The following ITFG1 variants were observed in gnomAD, a reference collection of about 807,000 sequenced individuals.
ITFG1 encodes integrin alpha FG-GAP repeat containing 1, also known as T-cell immunomodulatory protein.
In ITFG1, 34 loss-of-function variants were observed where a neutral mutation model predicts 81.8. That is an observed-to-expected ratio of 0.42 (90% confidence interval 0.32 to 0.55). The LOEUF (loss-of-function observed/expected upper bound fraction) is 0.55. Among genes scored for constraint, ITFG1 ranks in the 20% least tolerant of loss-of-function variants. ITFG1 has a pLI of 0.17. For synonymous variants in ITFG1, 285 were observed against 270.6 expected (o/e 1.05, Z -0.52); for missense variants, 672 against 755.4 (o/e 0.89, Z 1.29).
intron 8 of ITFG1, among the ~76,000 whole-genome samples, chr16:47,347,418 G>A (rs1025904565): frequency 1.3e-5 from 2 of 152,264 alleles, no homozygotes; most frequent in Non-Finnish European, 2.9e-5. Context: ...GGCTGGGAGG[G>A]TCTCACGCGC....
chr16:47,202,187 T>C (rs750965358), intron 14 of ITFG1: 22 of 152,228 alleles, frequency 1.4e-4, no homozygotes, highest in Non-Finnish European at 2.5e-4. Context: ...ATAAATACTT[T>C]ATAATTTCTT....
At chr16:47,180,549 T>G (rs530939759) in intron 14 of ITFG1, among the ~76,000 whole-genome samples, 7 of 152,078 alleles carry the variant, frequency 4.6e-5, no homozygotes, top group East Asian at 1.9e-4. Flanking sequence ...CGCCTGACTG[T>G]TTTTCGTATT....
At chr16:47,397,205 T>C (rs1968604697) in intron 6 of ITFG1, among the ~76,000 whole-genome samples, 1 of 152,102 alleles carries the variant, frequency 6.6e-6, no homozygotes, top group East Asian at 1.9e-4. Context: ...CGGGGGATGC[T>C]TCCACAACTG....
chr16:47,304,202 C>T (rs1344325677), intron 10 of ITFG1, among the ~76,000 whole-genome samples: 1 of 152,142 alleles, frequency 6.6e-6, no homozygotes, highest in Non-Finnish European at 1.5e-5. Context: ...TCACAGATCT[C>T]TTGGAATTAA....
rs558246848 is a variant in ITFG1, at chr16:47,307,858, C to T, written c.1070+3382G>A. 4.4e-4 allele frequency among the ~76,000 whole-genome samples: 67 copies of T among 152,224 alleles called. 1 individual carries two copies. The highest frequency in any genetic ancestry group is 3.4e-3 in the Middle Eastern group (1 of 294). On this transcript the variant is annotated intron_variant, in intron 10 of 17. Coordinates refer to ENST00000320640, the MANE Select transcript of ITFG1 (RefSeq NM_030790.5). The stretch of plus-strand genomic sequence containing the variant: ...TGGAATTTTTATGTCCATGAGTATG[C>T]ACTGTTTAGCTCCCACTTATTAGTG...
rs1316428208 is a variant in ITFG1, at chr16:47,351,241, T to C, written c.802+14547A>G. Among the ~76,000 whole-genome samples, 9 of 152,182 alleles carry C rather than the reference T, an allele frequency of 5.9e-5. No individual in the cohort carries two copies. In the South Asian group the frequency reaches 1.0e-3, roughly 18 times the overall value. ...TTAGGCAGGAGAAGGAAATAAAGGG[T>C]ATTCAATTAGGAAAAGAGGAAGTCG... On this transcript the variant is annotated intron_variant, in intron 8 of 17. Coordinates refer to ENST00000320640, the MANE Select transcript of ITFG1 (RefSeq NM_030790.5).
chr16:47,260,580 C>T lies in ITFG1; in HGVS notation c.1186G>A (p.Ala396Thr). 1 of 1,614,148 alleles carries T rather than the reference C, an allele frequency of 6.2e-7. No individual in the cohort carries two copies. The highest frequency in any genetic ancestry group is 1.3e-5 in the African/African-American group (1 of 75,052). ...ATGTCAAAGAAGGTGGCAACCATGG[C>T]ATCCTTAATTTGATTTAGGTCTGTC... ...ELTDLNQIKDAMVATFFDIYE... is the reference protein window; with the variant it reads ...ELTDLNQIKDTMVATFFDIYE... Residue 396 changes from alanine (A) to threonine (T), a missense_variant, in exon 11 of 18, where the codon GCC becomes ACC. Ala to Thr is a moderately conservative substitution (Grantham distance 58). Transcript: ENST00000320640.
intron 5 of ITFG1, among the ~76,000 whole-genome samples, 170 bp from the exon 6 acceptor site, chr16:47,429,068 TG>T (rs1362698991): frequency 6.6e-6 from 1 of 152,236 alleles, no homozygotes; most frequent in African/African-American, 2.4e-5. Flanking sequence ...ATGTTCACAG[TG>T]TACAATCGTC....
At chr16:47,201,464 C>G (rs1965424027) in intron 14 of ITFG1, among the ~76,000 whole-genome samples, 6 of 152,166 alleles carry the variant, frequency 3.9e-5, no homozygotes. Flanking sequence ...GCCTCAGCCT[C>G]CCAGAGTGCT....
At chr16:47,431,407 T>G (rs1434289528) in intron 5 of ITFG1, among the ~76,000 whole-genome samples, 1 of 152,176 alleles carries the variant, frequency 6.6e-6, no homozygotes, top group Non-Finnish European at 1.5e-5. Flanking sequence ...TGTGTGCTCC[T>G]TATGAGAATC....
rs12596109 is a variant in ITFG1 at position 47,257,816 on chromosome 16, T to A, written c.1330+816A>T. Among the ~76,000 whole-genome samples the A allele has an allele frequency of 3.8e-4, 58 of 152,296 alleles. No individual in the cohort carries two copies. In the East Asian group the frequency reaches 0.011, roughly 29 times the overall value. ...AGCACACTGGGCAACCATTTCAGGA[T>A]GTGGTTTTGAAATACTGTTCTCTAC... On this transcript the variant is annotated intron_variant, in intron 12 of 17. Coordinates refer to ENST00000320640, the MANE Select transcript of ITFG1 (RefSeq NM_030790.5).
At chr16:47,457,194 C>A (rs1969464552) in intron 2 of ITFG1, among the ~76,000 whole-genome samples, 1 of 151,778 alleles carries the variant, frequency 6.6e-6, no homozygotes, top group Middle Eastern at 3.4e-3. Flanking sequence ...ACCTGTAATC[C>A]CAGCTACTTG....
chr16:47,405,670 G>A (rs1320967756), intron 6 of ITFG1, among the ~76,000 whole-genome samples: 1 of 152,142 alleles, frequency 6.6e-6, no homozygotes, highest in Non-Finnish European at 1.5e-5. Flanking sequence ...TACTCTGTAA[G>A]GTGATTGTGA....
chr16:47,158,627 C>T (rs189938892), intron 17 of ITFG1, among the ~76,000 whole-genome samples: 9 of 152,152 alleles, frequency 5.9e-5, no homozygotes, highest in East Asian at 3.9e-4. Flanking sequence ...TTATTACTAC[C>T]GTACTGCATC....
At chr16:47,291,355 TG>T (rs1331159984) in intron 10 of ITFG1, among the ~76,000 whole-genome samples, 1 of 152,184 alleles carries the variant, frequency 6.6e-6, no homozygotes, top group African/African-American at 2.4e-5. Context: ...CTCATTCTCT[TG>T]CTGTTTTTAA....
intron 5 of ITFG1, among the ~76,000 whole-genome samples, chr16:47,437,010 C>G (rs1475384451): frequency 6.6e-6 from 1 of 152,080 alleles, no homozygotes; most frequent in East Asian, 1.9e-4. Context: ...TTTGAGAAAT[C>G]TTTTTATTGT....
intron 6 of ITFG1, among the ~76,000 whole-genome samples, chr16:47,379,549 G>A (rs574737524): frequency 1.3e-5 from 2 of 152,170 alleles, no homozygotes; most frequent in African/African-American, 2.4e-5. Context: ...TTAGCCAGGC[G>A]TGGTGGTGTG....
intron 12 of ITFG1, among the ~76,000 whole-genome samples, chr16:47,240,839 T>C (rs1010716849): frequency 5.3e-5 from 8 of 152,118 alleles, no homozygotes; most frequent in African/African-American, 1.9e-4. Context: ...AGTAGTCAAA[T>C]TCACAGAGAC....
intron 10 of ITFG1, among the ~76,000 whole-genome samples, chr16:47,284,926 T>G (rs1966863941): frequency 6.6e-6 from 1 of 152,180 alleles, no homozygotes; most frequent in African/African-American, 2.4e-5. Context: ...ATGAAAACAT[T>G]TGAAAAACTG....
Sources: allele counts gnomAD v4.1 joint callset (sites outside exome capture counted in the v4.1 genomes callset), GRCh38; gene constraint gnomAD v4.1.1; transcripts MANE v1.5; gene names NCBI Gene and HGNC (gene_info 2026-07-23, HGNC 2026-07-21).